The following RSBN1L variants were observed in gnomAD, a reference collection of about 807,000 sequenced individuals.
The protein encoded by RSBN1L is lysine-specific demethylase RSBN1L.
In RSBN1L, 30 loss-of-function variants were observed where a neutral mutation model predicts 67.7. The observed-to-expected ratio is 0.44, with a 90% CI of 0.33 to 0.60. The LOEUF (loss-of-function observed/expected upper bound fraction) is 0.60. Among genes scored for constraint, RSBN1L ranks in the 20% least tolerant of loss-of-function variants. The pLI is 0.02. For synonymous variants in RSBN1L, 433 were observed against 387.0 expected (o/e 1.12, Z -1.39); for missense variants, 992 against 1,031.7 (o/e 0.96, Z 0.53).
intron 1 of RSBN1L, among the ~76,000 whole-genome samples, chr7:77,713,652 G>A (rs1190622738): frequency 6.7e-6 from 1 of 150,232 alleles, no homozygotes; most frequent in Non-Finnish European, 1.5e-5. Flanking sequence ...CACCATGCCC[G>A]GCCTCTCTCT....
At chr7:77,732,397 A>G (rs935264307) in intron 1 of RSBN1L, among the ~76,000 whole-genome samples, 5 of 151,984 alleles carry the variant, frequency 3.3e-5, no homozygotes, top group Admixed American at 6.6e-5. Flanking sequence ...CAGTGGCGCC[A>G]TCTTAGTTCA....
intron 1 of RSBN1L, among the ~76,000 whole-genome samples, chr7:77,733,099 A>G (rs1030018697): frequency 6.6e-5 from 10 of 152,094 alleles, no homozygotes. Flanking sequence ...TTCGAGACCA[A>G]CCTCAGCAAC....
intron 1 of RSBN1L, among the ~76,000 whole-genome samples, chr7:77,734,183 C>T (rs1791303565): frequency 6.6e-6 from 1 of 152,146 alleles, no homozygotes; most frequent in Non-Finnish European, 1.5e-5. Flanking sequence ...AGTCAGCATC[C>T]TGAGTACCTT....
rs200717885 is a variant in RSBN1L at position 77,749,856 on chromosome 7, G to A, written c.1136G>A (p.Arg379Lys). The A allele has an allele frequency of 5.3e-5, 85 of 1,614,036 alleles. No individual in the cohort carries two copies. The highest frequency in any genetic ancestry group is 7.2e-5 in the Non-Finnish European group (85 of 1,180,036). Reference sequence around the variant, plus strand: ...CACCTGTCTCCTATGGAGATGGAGAGGTTTGCAGAAGAGTTTGTGGGTCTA... The same window carrying A: ...CACCTGTCTCCTATGGAGATGGAGAAGTTTGCAGAAGAGTTTGTGGGTCTA... The part of the protein sequence containing the change: ...LSHLSPMEME[R>K]FAEEFVGLVF... Residue 379 changes from arginine (R) to lysine (K), a missense_variant, in exon 3 of 8, where the codon AGG (arginine) becomes AAG (lysine). Physicochemically the swap from Arg to Lys is conservative, Grantham distance 26. Coordinates refer to ENST00000334955, the MANE Select transcript of RSBN1L (RefSeq NM_198467.3).
chr7:77,760,102 A>C (rs1157567639), intron 3 of RSBN1L, among the ~76,000 whole-genome samples: 4 of 152,234 alleles, frequency 2.6e-5, no homozygotes, highest in Non-Finnish European at 5.9e-5. Context: ...AGCAATAAGT[A>C]AAAAATCTTA....
chr7:77,776,457 C>G (rs1791915891), intron 6 of RSBN1L, among the ~76,000 whole-genome samples: 1 of 152,196 alleles, frequency 6.6e-6, no homozygotes, highest in Non-Finnish European at 1.5e-5. Flanking sequence ...CCTAGGCAAG[C>G]ACTAATTTAC....
intron 2 of RSBN1L, among the ~76,000 whole-genome samples, chr7:77,737,770 C>G (rs1791356314): frequency 6.6e-6 from 1 of 152,134 alleles, no homozygotes; most frequent in Non-Finnish European, 1.5e-5. Context: ...TGCCTGTAAT[C>G]CCAGCAATTT....
intron 6 of RSBN1L, among the ~76,000 whole-genome samples, chr7:77,774,561 T>C (rs1255929814): frequency 6.6e-6 from 1 of 152,144 alleles, no homozygotes; most frequent in East Asian, 1.9e-4. Flanking sequence ...ACCCCATCTC[T>C]ACTAAAAATA....
chr7:77,721,020 C>T (rs186102660), intron 1 of RSBN1L, among the ~76,000 whole-genome samples: 5 of 151,836 alleles, frequency 3.3e-5, no homozygotes, highest in African/African-American at 9.7e-5. Flanking sequence ...GGGATTACAG[C>T]GGTGAGCCAC....
intron 3 of RSBN1L, among the ~76,000 whole-genome samples, chr7:77,759,944 TAGAGC>T (rs1401252232): frequency 6.6e-6 from 1 of 152,212 alleles, no homozygotes; most frequent in Non-Finnish European, 1.5e-5. Context: ...TAGTGGACTG[TAGAGC>T]TCTCTCTTCA....
At chr7:77,709,170 G>A (rs184428550) in intron 1 of RSBN1L, among the ~76,000 whole-genome samples, 2,169 of 125,176 alleles carry the variant, frequency 0.017, 57 homozygotes, top group African/African-American at 0.068. Context: ...GTGTGTGTGT[G>A]TGTGTGTGTG....
chr7:77,762,663 A>T (rs6972784), intron 3 of RSBN1L, among the ~76,000 whole-genome samples: 2 of 151,942 alleles, frequency 1.3e-5, no homozygotes, highest in African/African-American at 2.4e-5. Flanking sequence ...TAATATTACC[A>T]CCCAAGTTTT....
At chr7:77,746,920 T>C (rs2150424805) in intron 2 of RSBN1L, among the ~76,000 whole-genome samples, 1 of 152,316 alleles carries the variant, frequency 6.6e-6, no homozygotes, top group South Asian at 2.1e-4. Context: ...ATGCAAGAGG[T>C]GGGCTCCCAG....
chr7:77,725,733 G>T (rs1191812734), intron 1 of RSBN1L, among the ~76,000 whole-genome samples: 1 of 151,944 alleles, frequency 6.6e-6, no homozygotes, highest in Non-Finnish European at 1.5e-5. Context: ...CTGGATTACA[G>T]GCATGCGCCA....
At chr7:77,718,646 AT>A (rs1196050347) in intron 1 of RSBN1L, among the ~76,000 whole-genome samples, 1 of 152,190 alleles carries the variant, frequency 6.6e-6, no homozygotes, top group African/African-American at 2.4e-5. Flanking sequence ...GAGTCAGTGC[AT>A]GTCTTGTATA....
At chr7:77,752,758 C>A (rs1331910733) in intron 3 of RSBN1L, among the ~76,000 whole-genome samples, 1 of 152,192 alleles carries the variant, frequency 6.6e-6, no homozygotes, top group Non-Finnish European at 1.5e-5. Context: ...TTGTTAATAG[C>A]CAGAAACCAT....
chr7:77,726,037 T>C (rs1376378431), intron 1 of RSBN1L, among the ~76,000 whole-genome samples: 1 of 152,236 alleles, frequency 6.6e-6, no homozygotes, highest in East Asian at 1.9e-4. Context: ...TGTATCTGTC[T>C]GTATTTCTAA....
chr7:77,703,443 A>AGT (rs1031412138), intron 1 of RSBN1L, among the ~76,000 whole-genome samples: 9 of 125,108 alleles, frequency 7.2e-5, no homozygotes, highest in Admixed American at 3.7e-4. Context: ...TCAGACGTGG[A>AGT]GTGTGTGTGT....
In RSBN1L at chr7:77,697,074, G is replaced by C. The variant is rs1440869614; in HGVS notation, c.586+19G>C. On this transcript the variant is annotated intron_variant, in intron 1 of 7. Transcript: ENST00000334955. Reference sequence around the variant, plus strand: ...CCCCGAGGTGGGTGCCGTGCGGGGAGGGGGAGGGGAGGGCGCCGTGGGTCC... The same window carrying C: ...CCCCGAGGTGGGTGCCGTGCGGGGACGGGGAGGGGAGGGCGCCGTGGGTCC... 1.2e-5 allele frequency: 16 copies of C among 1,384,430 alleles called. No individual in the cohort carries two copies. The African/African-American group carries it at 2.1e-4, about 18-fold the overall frequency. The allele number at this position is 1,384,430 out of a possible 1,614,324, so 85.8% of individuals were successfully genotyped here.
Sources: allele counts gnomAD v4.1 joint callset (sites outside exome capture counted in the v4.1 genomes callset), GRCh38; gene constraint gnomAD v4.1.1; transcripts MANE v1.5; gene names NCBI Gene and HGNC (gene_info 2026-07-23, HGNC 2026-07-21).